The following PRICKLE2 variants were observed in gnomAD, a reference collection of about 807,000 sequenced individuals.
The protein encoded by PRICKLE2 is prickle-like protein 2.
In PRICKLE2, 21 loss-of-function variants were observed where a neutral mutation model predicts 81.4. The observed-to-expected ratio is 0.26, with a 90% CI of 0.18 to 0.37. PRICKLE2 has a LOEUF of 0.37. Among genes scored for constraint, PRICKLE2 ranks in the 10% least tolerant of loss-of-function variants. PRICKLE2 has a pLI of 1.00. For synonymous variants in PRICKLE2, 456 were observed against 421.5 expected, an observed-to-expected ratio of 1.08 and a Z score of -1.00; for missense variants, 940 against 1,109.0, an observed-to-expected ratio of 0.85 and a Z score of 2.16.
At chr3:64,252,971 T>A (rs534993733) in intron 2 of PRICKLE2, among the ~76,000 whole-genome samples, 14 of 152,222 alleles carry the variant, frequency 9.2e-5, no homozygotes, top group Non-Finnish European at 1.6e-4. Context: ...CAGAGAGTCA[T>A]AATTTGCATA....
intron 7 of PRICKLE2, among the ~76,000 whole-genome samples, chr3:64,144,445 A>G (rs541757523): frequency 6.6e-6 from 1 of 152,370 alleles, no homozygotes; most frequent in Admixed American, 6.5e-5. Context: ...TGCAAGAGCT[A>G]TATAAAGGTT....
At chr3:64,192,061 T>A (rs2078352979) in intron 2 of PRICKLE2, among the ~76,000 whole-genome samples, 1 of 152,234 alleles carries the variant, frequency 6.6e-6, no homozygotes, top group African/African-American at 2.4e-5. Context: ...GCAATTGGGA[T>A]GTTCAGGGGA....
At chr3:64,252,961 CAG>C (rs909646492) in intron 2 of PRICKLE2, among the ~76,000 whole-genome samples, 2 of 152,126 alleles carry the variant, frequency 1.3e-5, no homozygotes, top group African/African-American at 4.8e-5. Flanking sequence ...TGGATTCAGC[CAG>C]AGAGTCATAA....
intron 7 of PRICKLE2, among the ~76,000 whole-genome samples, chr3:64,143,264 T>C (rs1178160876): frequency 6.6e-6 from 1 of 152,198 alleles, no homozygotes; most frequent in Non-Finnish European, 1.5e-5. Context: ...TTAATTTTAA[T>C]TCGTTTAAAT....
rs34841544 is a variant in PRICKLE2 at position 64,149,969 on chromosome 3, CT to C, written c.788-2268del. Among the ~76,000 whole-genome samples the C allele has an allele frequency of 2.2e-3, 239 of 109,714 alleles. 1 individual carries two copies. The Middle Eastern group carries it at 0.035, about 16-fold the overall frequency. 72.0% of individuals were successfully genotyped at this position (109,714 alleles called of 152,430 possible). On this transcript the variant is annotated intron_variant, in intron 6 of 7. Coordinates refer to ENST00000638394, the MANE Select transcript of PRICKLE2 (RefSeq NM_198859.4). The stretch of plus-strand genomic sequence containing the variant: ...TGTGAATCAACTGAATCAACTCCAT[CT>C]TTTTTTTTTTTTTTTTTTTTGAGAC...
intron 1 of PRICKLE2, 129 bp from the exon 2 acceptor site, chr3:64,199,096 G>C (rs1215460740): frequency 1.3e-6 from 1 of 790,364 alleles, no homozygotes; most frequent in African/African-American, 1.7e-5. Context: ...TCGGGCAAAG[G>C]CATCGCGAGC....
intron 2 of PRICKLE2, among the ~76,000 whole-genome samples, chr3:64,267,693 G>A (rs1434144829): frequency 6.6e-6 from 1 of 152,176 alleles, no homozygotes; most frequent in Admixed American, 6.5e-5. Flanking sequence ...GTGGCTGCGC[G>A]AAAGGTGGCT....
At chr3:64,144,652 T>A (rs978580505) in intron 7 of PRICKLE2, among the ~76,000 whole-genome samples, 1 of 152,254 alleles carries the variant, frequency 6.6e-6, no homozygotes, top group African/African-American at 2.4e-5. Context: ...ACTTAGCACA[T>A]CTTAGAGCGC....
At chr3:64,267,099 AT>A (rs1388501258) in intron 2 of PRICKLE2, among the ~76,000 whole-genome samples, 1 of 152,118 alleles carries the variant, frequency 6.6e-6, no homozygotes, top group Admixed American at 6.5e-5. Flanking sequence ...TGGTTTTAAA[AT>A]TTCCCAGGGC....
intron 1 of PRICKLE2, among the ~76,000 whole-genome samples, chr3:64,208,907 T>A (rs2078738333): frequency 6.6e-6 from 1 of 152,184 alleles, no homozygotes; most frequent in African/African-American, 2.4e-5. Flanking sequence ...TATCCATCCA[T>A]CTACCTGTCC....
At position 64,099,138 on chromosome 3, in the gene PRICKLE2, G is replaced by A. The variant is rs2076612279; in HGVS notation, c.2448C>T (p.Tyr816=). ...CTAATGTGGAAGATTTGGGGAGGCC[G>A]TAGGAGCTGTATTTGTGCAGCAGCT... The part of the protein sequence containing the change: ...SDELLHKYSS[Y]GLPKSSTLGG... The change falls in exon 8 of 8, where the codon TAC becomes TAT. Residue 816 remains tyrosine (Y), a synonymous_variant. Transcript: ENST00000638394. This position sits in a 1 kb window ranked among gnomAD's most constrained non-coding sequence, Gnocchi z 4.3. 8.7e-6 allele frequency: 14 copies of A among 1,614,188 alleles called. No homozygotes were observed. Among genetic ancestry groups the A allele is most frequent in the Non-Finnish European group, 1.2e-5 (14 of 1,180,006 alleles).
intron 2 of PRICKLE2, among the ~76,000 whole-genome samples, chr3:64,178,979 CT>C (rs1312983611): frequency 4.4e-5 from 5 of 112,700 alleles, no homozygotes; most frequent in Non-Finnish European, 9.3e-5. Flanking sequence ...TTCTTTCTTT[CT>C]TTCTTTCTTT....
At chr3:64,148,252 C>G (rs1302672348) in intron 6 of PRICKLE2, among the ~76,000 whole-genome samples, 2 of 152,202 alleles carry the variant, frequency 1.3e-5, no homozygotes, top group Non-Finnish European at 2.9e-5. Flanking sequence ...TGCTCAAAAG[C>G]CAACTCCTCT....
At chr3:64,188,381 A>T (rs161665) in intron 2 of PRICKLE2, among the ~76,000 whole-genome samples, 101,116 of 152,128 alleles carry the variant, frequency 0.66, 34,815 homozygotes, top group East Asian at 0.95. Context: ...ATTAGCCAAC[A>T]GTAATGGCTC....
At chr3:64,129,192 A>G (rs1396040650) in intron 7 of PRICKLE2, among the ~76,000 whole-genome samples, 1 of 152,090 alleles carries the variant, frequency 6.6e-6, no homozygotes, top group East Asian at 2.0e-4. Flanking sequence ...GTAAAAATAC[A>G]AGACTCAAGT....
At chr3:64,253,572 C>T (rs2079480694) in intron 2 of PRICKLE2, among the ~76,000 whole-genome samples, 1 of 152,180 alleles carries the variant, frequency 6.6e-6, no homozygotes, top group Non-Finnish European at 1.5e-5. Flanking sequence ...AGCATAATAA[C>T]TGGTTCTTTG....
intron 7 of PRICKLE2, among the ~76,000 whole-genome samples, chr3:64,122,779 T>C (rs1005294390): frequency 2.6e-5 from 4 of 152,184 alleles, no homozygotes; most frequent in African/African-American, 9.6e-5. Flanking sequence ...CTTAATTCCC[T>C]GCTCCTGTCA....
At chr3:64,115,343 C>A (rs192552841) in intron 7 of PRICKLE2, among the ~76,000 whole-genome samples, 2 of 152,276 alleles carry the variant, frequency 1.3e-5, no homozygotes, top group Middle Eastern at 3.4e-3. Context: ...TAAATCTACA[C>A]ATATCAGTAC....
Position 64,147,271 on chromosome 3 carries a change from T to C in PRICKLE2, c.1219A>G (p.Met407Val). The change falls in exon 7 of 8, where the codon ATG (methionine) becomes GTG (valine). Residue 407 changes from methionine to valine, a missense_variant. By Grantham distance (21) the Met-to-Val change is conservative. Coordinates refer to ENST00000638394, the MANE Select transcript of PRICKLE2 (RefSeq NM_198859.4). The surrounding 1 kb of genome is among the most constrained non-coding windows in gnomAD (Gnocchi z 5.0). ...GGGCTCTGGGTCTGGTTCTGCTCCA[T>C]CTTGTTCCCATAATGGTAGGGCTCT... ...REEPYHYGNKMEQNQTQSPLQ... is the reference protein window; with the variant it reads ...REEPYHYGNKVEQNQTQSPLQ... The C allele has an allele frequency of 1.2e-6, 2 of 1,612,500 alleles. No individual in the cohort carries two copies. Among genetic ancestry groups the C allele is most frequent in the Non-Finnish European group, 1.7e-6 (2 of 1,178,860 alleles).
Sources: gnomAD v4.1 joint callset for allele counts (sites outside exome capture counted in the v4.1 genomes callset) on GRCh38, gnomAD v4.1.1 for gene constraint, Gnocchi (gnomAD v3.1) non-coding constraint, MANE v1.5 for transcripts, NCBI Gene and HGNC (gene_info 2026-07-23, HGNC 2026-07-21) for gene names.